The following PPARA variants were observed in gnomAD, a reference collection of about 807,000 sequenced individuals.
PPARA encodes peroxisome proliferator-activated receptor alpha.
A neutral mutation model predicts 42.2 loss-of-function variants in PPARA; 22 were observed. The ratio of observed to expected loss-of-function variants is 0.52; its 90% CI spans 0.37 to 0.74. The LOEUF (loss-of-function observed/expected upper bound fraction) is 0.74. PPARA is among the 30% of genes least tolerant of loss of function. The pLI, the probability that PPARA is intolerant of heterozygous loss-of-function variation, is 0.00. For synonymous variants in PPARA, 242 were observed against 239.3 expected (o/e 1.01, Z -0.10); for missense variants, 465 against 608.2 (o/e 0.76, Z 2.48).
intron 2 of PPARA, 44 bp from the exon 3 acceptor site, chr22:46,176,709 G>T (rs144687000): frequency 6.6e-6 from 1 of 152,202 alleles, no homozygotes; most frequent in African/African-American, 2.4e-5. Flanking sequence ...ACAAAATACC[G>T]TAAACTGGGT....
At chr22:46,169,027 G>C (rs1199439425) in intron 2 of PPARA, among the ~76,000 whole-genome samples, 1 of 151,886 alleles carries the variant, frequency 6.6e-6, no homozygotes, top group African/African-American at 2.4e-5. Context: ...AGGGGCTCAT[G>C]GGGAGGGAAA....
chr22:46,151,034 G>T, intron 1 of PPARA: 1 of 152,372 alleles, frequency 6.6e-6, no homozygotes, highest in Non-Finnish European at 1.5e-5. Context: ...CCCCTCGGAG[G>T]GAGGGCCCAC....
At chr22:46,175,030 G>A (rs1362168436) in intron 2 of PPARA, among the ~76,000 whole-genome samples, 1 of 151,760 alleles carries the variant, frequency 6.6e-6, no homozygotes, top group African/African-American at 2.4e-5. Flanking sequence ...TCCTGCCTCA[G>A]CCTCCTGAGT....
intron 4 of PPARA, among the ~76,000 whole-genome samples, chr22:46,199,909 G>A (rs1179761873): frequency 6.6e-6 from 1 of 152,034 alleles, no homozygotes; most frequent in African/African-American, 2.4e-5. Context: ...TTTTAGTAGA[G>A]ATGGGGTTTC....
intron 2 of PPARA, among the ~76,000 whole-genome samples, chr22:46,168,555 T>C (rs185702072): frequency 1.3e-5 from 2 of 151,906 alleles, no homozygotes; most frequent in East Asian, 1.9e-4. Context: ...TAAAGAACTA[T>C]TGTAATTCAA....
chr22:46,160,412 T>G lies in PPARA; in HGVS notation c.-127+8442T>G, dbSNP rs1925986171. 6.6e-6 allele frequency among the ~76,000 whole-genome samples: 1 copy of G among 152,102 alleles called. No homozygotes were observed. The highest frequency in any genetic ancestry group is 6.5e-5 in the Admixed American group (1 of 15,268). ...CCTGGGTTCAAGCGATTCTCCTGCCTCAGCCTCCTACATAGCTGGTACTAC... is the reference window on the plus strand; with the variant it reads ...CCTGGGTTCAAGCGATTCTCCTGCCGCAGCCTCCTACATAGCTGGTACTAC... On this transcript the variant is annotated intron_variant, in intron 2 of 8. Transcript: ENST00000407236. This position sits in a 1 kb window ranked among gnomAD's most constrained non-coding sequence, Gnocchi z 4.5.
At chr22:46,198,726 T>C in intron 4 of PPARA, 135 bp downstream of exon 4, 1 of 915,738 alleles carries the variant, frequency 1.1e-6, no homozygotes, top group Admixed American at 2.3e-5. Context: ...AATGGCTCGA[T>C]CTCGGCTCAC....
At chr22:46,223,731 C>G (rs893652510) in intron 7 of PPARA, among the ~76,000 whole-genome samples, 3 of 151,326 alleles carry the variant, frequency 2.0e-5, no homozygotes, top group African/African-American at 7.3e-5. Flanking sequence ...GGGCGGATTA[C>G]CTGAGCTCAG....
At chr22:46,226,867 A>C (rs1935501144) in intron 7 of PPARA, among the ~76,000 whole-genome samples, 1 of 152,186 alleles carries the variant, frequency 6.6e-6, no homozygotes, top group South Asian at 2.1e-4. Flanking sequence ...TCTCAAAAAA[A>C]GAAAACAGAA....
rs549575355 is a variant in PPARA, at chr22:46,187,351, G to A, written c.-43+10515G>A. Among the ~76,000 whole-genome samples, 1 of 152,242 alleles carries A rather than the reference G, an allele frequency of 6.6e-6. No individual in the cohort carries two copies. The highest frequency in any genetic ancestry group is 1.9e-4 in the East Asian group (1 of 5,178). ...TTGTCTTTATATTCCAAATTTCGTG[G>A]GTGCCACCTCCTCTGCCCAGTGACT... On this transcript the variant is annotated intron_variant, in intron 3 of 8. Coordinates refer to ENST00000407236, the MANE Select transcript of PPARA (RefSeq NM_005036.6). This position sits in a 1 kb window ranked among gnomAD's most constrained non-coding sequence, Gnocchi z 4.9.
At chr22:46,198,883 TCTC>T (rs1932680305) in intron 4 of PPARA, among the ~76,000 whole-genome samples, 2 of 152,034 alleles carry the variant, frequency 1.3e-5, no homozygotes, top group Non-Finnish European at 2.9e-5. Flanking sequence ...ATGGTCTCCA[TCTC>T]CTGACCTCAT....
intron 2 of PPARA, chr22:46,164,999 A>G (rs572174259): frequency 3.3e-5 from 5 of 151,306 alleles, no homozygotes; most frequent in Non-Finnish European, 7.4e-5. Context: ...AAGTTGGGGA[A>G]CTCCATTTCT....
rs1483018347 is a variant in PPARA at position 46,193,414 on chromosome 22, G to GTA, written c.-42-4924_-42-4923dup. 1.3e-5 allele frequency among the ~76,000 whole-genome samples: 2 copies of GTA among 152,020 alleles called. No individual in the cohort carries two copies. Among genetic ancestry groups the GTA allele is most frequent in the Non-Finnish European group, 2.9e-5 (2 of 68,016 alleles). The stretch of plus-strand genomic sequence containing the variant: ...GACTATAGTCAATAATAACTTAATG[G>GTA]TATATTTTTAAATAACTTAAAGAGT... On this transcript the variant is annotated intron_variant, in intron 3 of 8. Transcript: ENST00000407236. This position sits in a 1 kb window ranked among gnomAD's most constrained non-coding sequence, Gnocchi z 5.3.
chr22:46,202,959 G>GA (rs1251004347), intron 4 of PPARA, among the ~76,000 whole-genome samples: 1 of 151,478 alleles, frequency 6.6e-6, no homozygotes, highest in Non-Finnish European at 1.5e-5. Flanking sequence ...ATGGCACAAA[G>GA]AAAAAAAAGG....
rs1926271854 is a variant in PPARA, at chr22:46,162,083, G to T, written c.-127+10113G>T. ...GCTGGGTGGGGGACATCAAAGGCAGGACAAGGTGTAGGGTCCTCACCCACC... is the reference window on the plus strand; with the variant it reads ...GCTGGGTGGGGGACATCAAAGGCAGTACAAGGTGTAGGGTCCTCACCCACC... On this transcript the variant is annotated intron_variant, in intron 2 of 8. Transcript: ENST00000407236. The surrounding 1 kb of genome is among the most constrained non-coding windows in gnomAD (Gnocchi z 6.0). Among the ~76,000 whole-genome samples the T allele has an allele frequency of 6.6e-6, 1 of 152,176 alleles. No homozygotes were observed. Among genetic ancestry groups the T allele is most frequent in the Admixed American group, 6.5e-5 (1 of 15,278 alleles).
chr22:46,157,069 G>A (rs749846496), intron 2 of PPARA, among the ~76,000 whole-genome samples: 18 of 152,170 alleles, frequency 1.2e-4, no homozygotes, highest in Admixed American at 2.6e-4. Flanking sequence ...ACACAGTTCC[G>A]TCAAGCCAGG....
At chr22:46,207,069 A>G (rs1387692101) in intron 4 of PPARA, among the ~76,000 whole-genome samples, 2 of 151,832 alleles carry the variant, frequency 1.3e-5, no homozygotes, top group African/African-American at 4.8e-5. Context: ...CTAAAAATAC[A>G]AAAATTAGCT....
At chr22:46,214,396 A>C (rs997213544) in intron 4 of PPARA, among the ~76,000 whole-genome samples, 2 of 149,574 alleles carry the variant, frequency 1.3e-5, no homozygotes, top group East Asian at 4.0e-4. Context: ...GATCAGGAGA[A>C]GTGCCAGTCC....
At chr22:46,181,744 A>G (rs1930004756) in intron 3 of PPARA, among the ~76,000 whole-genome samples, 1 of 152,162 alleles carries the variant, frequency 6.6e-6, no homozygotes, top group Admixed American at 6.6e-5. Flanking sequence ...ATCAGTTCCC[A>G]TACATCAATT....
Sources: gnomAD v4.1 joint callset for allele counts (sites outside exome capture counted in the v4.1 genomes callset) on GRCh38, gnomAD v4.1.1 for gene constraint, Gnocchi (gnomAD v3.1) non-coding constraint, MANE v1.5 for transcripts, NCBI Gene and HGNC (gene_info 2026-07-23, HGNC 2026-07-21) for gene names.